Variants in ERCC6 observed in about 807,000 individuals in gnomAD.
The protein encoded by ERCC6 is ERCC excision repair 6, chromatin remodeling factor.
Under a neutral mutation model 158.7 loss-of-function variants are expected in ERCC6, and 116 were observed. That is an observed-to-expected ratio of 0.73 (90% CI 0.63 to 0.85). The LOEUF (loss-of-function observed/expected upper bound fraction) is 0.85, where lower values mean the gene tolerates loss of function less well. Ranked by LOEUF, ERCC6 falls within the 40% of genes least tolerant of loss-of-function variation. The pLI is 0.00. For missense variants in ERCC6, 1,698 were observed against 1,799.4 expected (o/e 0.94, Z 1.02); for synonymous variants, 678 against 659.3 (o/e 1.03, Z -0.43).
At chr10:49,445,851 T>C in the ERCC6 span, among the ~76,000 whole-genome samples, 1 of 152,174 alleles carries the variant, frequency 6.6e-6, no homozygotes, top group African/African-American at 2.4e-5. Flanking sequence ...AATATGGGCT[T>C]GCTTTAGAAA....
intron 18 of ERCC6, among the ~76,000 whole-genome samples, chr10:49,465,457 G>A (rs1850658230): frequency 6.6e-6 from 1 of 152,154 alleles, no homozygotes; most frequent in African/African-American, 2.4e-5. Context: ...AATGAGTTGA[G>A]ACTTTAGGGG....
chr10:49,505,875 G>A lies in ERCC6; in HGVS notation c.1526+9C>T. 6.2e-7 allele frequency: 1 copy of A among 1,612,810 alleles called. No homozygotes were observed. Among genetic ancestry groups the A allele is most frequent in the South Asian group, 1.1e-5 (1 of 91,048 alleles). On this transcript the variant is annotated intron_variant, in intron 6 of 20. Coordinates refer to ENST00000355832, the MANE Select transcript of ERCC6 (RefSeq NM_000124.4). ...AGCAAATAGAAAGGAAAGAACATAT[G>A]GTACATACTTAAAAAGCTTTTTGAA...
rs369522698 is a variant in ERCC6 at position 49,518,747 on chromosome 10, A to G, written c.1397+5286T>C. Among the ~76,000 whole-genome samples the G allele has an allele frequency of 2.0e-5, 3 of 152,296 alleles. No homozygotes were observed. The East Asian group carries it at 5.8e-4, about 29-fold the overall frequency. On this transcript the variant is annotated intron_variant, in intron 5 of 20. Transcript: ENST00000355832. ...ACCCAACCCTCCCAAGCCAGGGTTCAATGGGGCCCTGGCCACAGAGGCCCA... is the reference window on the plus strand; with the variant it reads ...ACCCAACCCTCCCAAGCCAGGGTTCGATGGGGCCCTGGCCACAGAGGCCCA...
rs1257512212 is a variant in ERCC6, at chr10:49,456,553, G to A, written c.*2262C>T. 1.3e-5 allele frequency: 2 copies of A among 152,132 alleles called. No homozygotes were observed. The highest frequency in any genetic ancestry group is 2.9e-5 in the Non-Finnish European group (2 of 68,024). The allele number at this position is 152,132 out of a possible 1,614,324, so 9.4% of individuals were successfully genotyped here. ...CATGGAGAATACACACCAAACCTAG[G>A]GCTGTACTTAGCTGTGGAACAGGTG... On this transcript the variant is annotated 3_prime_UTR_variant, in exon 21 of 21. Transcript: ENST00000355832.
intron 4 of ERCC6, among the ~76,000 whole-genome samples, chr10:49,526,884 G>A (rs570241965): frequency 9.2e-5 from 14 of 152,318 alleles, no homozygotes; most frequent in African/African-American, 3.1e-4. Context: ...TCTGTATAAG[G>A]TACTAGTAGA....
intron 18 of ERCC6, among the ~76,000 whole-genome samples, chr10:49,467,754 A>C (rs1229028624): frequency 2.0e-5 from 3 of 151,400 alleles, no homozygotes; most frequent in African/African-American, 7.3e-5. Flanking sequence ...TTTTTTGTAG[A>C]GATAGGATCT....
intron 14 of ERCC6, 28 bp from the exon 15 acceptor site, chr10:49,473,056 A>G: frequency 6.2e-7 from 1 of 1,614,002 alleles, no homozygotes; most frequent in Non-Finnish European, 8.5e-7. Context: ...AACACTGAGC[A>G]CACACACTTA....
chr10:49,490,361 T>TG (rs1851151795), intron 8 of ERCC6, among the ~76,000 whole-genome samples: 1 of 150,912 alleles, frequency 6.6e-6, no homozygotes, highest in Non-Finnish European at 1.5e-5. Context: ...ATTTTCCTTT[T>TG]TTTTTTTTTT....
intron 8 of ERCC6, among the ~76,000 whole-genome samples, chr10:49,492,700 G>A (rs1851195799): frequency 6.6e-6 from 1 of 152,186 alleles, no homozygotes; most frequent in Non-Finnish European, 1.5e-5. Flanking sequence ...AAGGTTAAAT[G>A]CATACTAACA....
At chr10:49,515,176 AG>A in intron 5 of ERCC6, 2 of 1,310,230 alleles carry the variant, frequency 1.5e-6, no homozygotes, top group African/African-American at 3.0e-5. Flanking sequence ...TATGTTACCT[AG>A]AAAAATTCAA....
the ERCC6 span, among the ~76,000 whole-genome samples, chr10:49,439,276 G>A: frequency 6.6e-6 from 1 of 152,254 alleles, no homozygotes; most frequent in Non-Finnish European, 1.5e-5. Flanking sequence ...TCCAGGTGGA[G>A]GTTCCCAAAC....
Position 49,476,307 on chromosome 10 carries a change from A to C in ERCC6, c.2290T>G (p.Leu764Val). The change falls in exon 12 of 21, where the codon TTA becomes GTA. Residue 764 changes from leucine (L) to valine (V), a missense_variant. Physicochemically the swap from Leu to Val is conservative, Grantham distance 32 (BLOSUM62 1). Transcript: ENST00000355832. ...LSLPDKNEQVLFCRLTDEQHK... is the reference protein window; with the variant it reads ...LSLPDKNEQVVFCRLTDEQHK... ...TGCTCATCTGTAAGACGGCAAAATA[A>C]GACCTACGGACGGGAAAAACAAGGA... is the stretch of plus-strand genomic sequence containing the variant. 6.2e-7 allele frequency: 1 copy of C among 1,610,928 alleles called. No homozygotes were observed. The highest frequency in any genetic ancestry group is 8.5e-7 in the Non-Finnish European group (1 of 1,177,148).
intron 1 of ERCC6, among the ~76,000 whole-genome samples, chr10:49,534,534 A>G (rs1837552055): frequency 6.6e-6 from 1 of 152,236 alleles, no homozygotes; most frequent in Non-Finnish European, 1.5e-5. Context: ...AAAAGTATCT[A>G]TCCTGCACAC....
chr10:49,464,706 G>C (rs1640347605), intron 18 of ERCC6, among the ~76,000 whole-genome samples: 1 of 152,212 alleles, frequency 6.6e-6, no homozygotes, highest in African/African-American at 2.4e-5. Flanking sequence ...TGGCTGAAAG[G>C]GGCCAACAAA....
chr10:49,460,050 G>C, intron 20 of ERCC6: 1 of 411,380 alleles, frequency 2.4e-6, no homozygotes, highest in South Asian at 2.3e-5. Context: ...TATTTCAGAG[G>C]GTTGTGGTCT....
chr10:49,523,734 G>A (rs558190871), intron 5 of ERCC6, among the ~76,000 whole-genome samples: 24 of 152,100 alleles, frequency 1.6e-4, no homozygotes, highest in Non-Finnish European at 2.9e-4. Flanking sequence ...GTATAAAGGC[G>A]ACACAGCTCA....
At chr10:49,532,426 C>T (rs1837490379) in intron 2 of ERCC6, 117 bp downstream of exon 2, 1 of 1,515,524 alleles carries the variant, frequency 6.6e-7, no homozygotes, top group Non-Finnish European at 8.9e-7. Flanking sequence ...CTCTGTCCTC[C>T]AAATAAAAGG....
Position 49,470,369 on chromosome 10 carries a change from C to T in ERCC6, c.3591G>A (p.Glu1197=), listed in dbSNP as rs1850752893. ...HHSVAEEETL[E]KHLRPKQKPK... Reference sequence around the variant, plus strand: ...GCTTTTGCTTTGGTCTCAGATGTTTCTCCAGGGTCTCTTCTTCTGCCACAC... The same window carrying T: ...GCTTTTGCTTTGGTCTCAGATGTTTTTCCAGGGTCTCTTCTTCTGCCACAC... Residue 1197 remains glutamate, a synonymous_variant, in exon 18 of 21, where the codon GAG becomes GAA. Transcript: ENST00000355832. 1.9e-6 allele frequency: 3 copies of T among 1,614,196 alleles called. No homozygotes were observed. Among genetic ancestry groups the T allele is most frequent in the African/African-American group, 2.7e-5 (2 of 75,064 alleles).
At chr10:49,482,919 T>C in intron 9 of ERCC6, 56 bp from the exon 10 acceptor site, 1 of 1,588,452 alleles carries the variant, frequency 6.3e-7, no homozygotes, top group South Asian at 1.1e-5. Context: ...CAATCGCCAT[T>C]CCTACCCTAA....
Sources: gnomAD v4.1 joint callset for allele counts (sites outside exome capture counted in the v4.1 genomes callset) on GRCh38, gnomAD v4.1.1 for gene constraint, MANE v1.5 for transcripts, NCBI Gene and HGNC (gene_info 2026-07-23, HGNC 2026-07-21) for gene names.